The following KATNIP variants were observed in gnomAD, a reference collection of about 807,000 sequenced individuals.
KATNIP encodes katanin interacting protein, also known as katanin-interacting protein.
A neutral mutation model predicts 174.0 loss-of-function variants in KATNIP; 126 were observed. The observed-to-expected ratio is 0.72, with a 90% CI of 0.63 to 0.84. The LOEUF (loss-of-function observed/expected upper bound fraction) is 0.84. Ranked by LOEUF, KATNIP falls within the 40% of genes least tolerant of loss-of-function variation. The pLI, the probability that KATNIP is intolerant of heterozygous loss-of-function variation, is 0.00. For missense variants in KATNIP, 1,958 were observed against 2,109.7 expected (o/e 0.93, Z 1.41); for synonymous variants, 810 against 835.7 (o/e 0.97, Z 0.53).
intron 8 of KATNIP, among the ~76,000 whole-genome samples, chr16:27,693,535 C>T (rs948646242): frequency 6.6e-6 from 1 of 151,976 alleles, no homozygotes; most frequent in African/African-American, 2.4e-5. Context: ...ATTACAGGCG[C>T]CCGCCACCAT....
At chr16:27,591,933 T>G (rs1297830107) in intron 2 of KATNIP, among the ~76,000 whole-genome samples, 2 of 152,190 alleles carry the variant, frequency 1.3e-5, no homozygotes. Context: ...CTACTCTTGC[T>G]CTATCCGTAA....
At chr16:27,716,783 C>T (rs1346788037) in intron 13 of KATNIP, among the ~76,000 whole-genome samples, 1 of 152,150 alleles carries the variant, frequency 6.6e-6, no homozygotes, top group Non-Finnish European at 1.5e-5. Context: ...AACCACTGAT[C>T]TGTTCCTCTA....
chr16:27,685,494 C>T (rs1186810719), intron 8 of KATNIP: 2 of 152,084 alleles, frequency 1.3e-5, no homozygotes, highest in Non-Finnish European at 2.9e-5. Context: ...CTAAAGTAGT[C>T]ACAGCTGTAA....
chr16:27,738,326 A>T (rs1178705231), intron 14 of KATNIP, among the ~76,000 whole-genome samples: 1 of 152,162 alleles, frequency 6.6e-6, no homozygotes, highest in African/African-American at 2.4e-5. Context: ...CCTTAGGGTG[A>T]TAGGTACGTT....
chr16:27,681,282 G>A, intron 7 of KATNIP, 117 bp from the exon 8 acceptor site: 3 of 1,332,252 alleles, frequency 2.3e-6, no homozygotes, highest in Non-Finnish European at 3.2e-6. Flanking sequence ...ACTGCACAAA[G>A]TAGTTCCGTA....
chr16:27,553,497 A>C (rs1010709828), intron 1 of KATNIP, among the ~76,000 whole-genome samples: 4 of 152,212 alleles, frequency 2.6e-5, no homozygotes, highest in African/African-American at 9.7e-5. Flanking sequence ...CATTTAAAAC[A>C]AACAAACAAT....
chr16:27,571,841 C>T lies in KATNIP; in HGVS notation c.8-2060C>T, dbSNP rs529325442. ...TCCCTGGCCAGCCTTAGGGCTCACTCGGAATCCTTAGACTGACAGCCAGAG... is the reference window on the plus strand; with the variant it reads ...TCCCTGGCCAGCCTTAGGGCTCACTTGGAATCCTTAGACTGACAGCCAGAG... On this transcript the variant is annotated intron_variant, in intron 1 of 27. Transcript: ENST00000261588. Among the ~76,000 whole-genome samples, 3 of 152,356 alleles carry T rather than the reference C, an allele frequency of 2.0e-5. No homozygotes were observed. The East Asian group carries it at 5.8e-4, about 29-fold the overall frequency.
chr16:27,649,468 G>A (rs1206282541), intron 6 of KATNIP, among the ~76,000 whole-genome samples: 8 of 152,238 alleles, frequency 5.3e-5, no homozygotes. Context: ...GAACAAAACT[G>A]AAGAGGTGCC....
intron 1 of KATNIP, among the ~76,000 whole-genome samples, chr16:27,551,089 A>G (rs1442325934): frequency 1.3e-5 from 2 of 152,200 alleles, no homozygotes; most frequent in African/African-American, 2.4e-5. Context: ...GTGGGCCCCC[A>G]TTTAGGGATC....
At chr16:27,579,086 A>G (rs979429014) in intron 2 of KATNIP, among the ~76,000 whole-genome samples, 14 of 152,254 alleles carry the variant, frequency 9.2e-5, no homozygotes, top group Admixed American at 3.9e-4. Flanking sequence ...CTCAAAAATC[A>G]TTAGGAAGTA....
intron 13 of KATNIP, among the ~76,000 whole-genome samples, chr16:27,716,023 A>G (rs2079921044): frequency 6.6e-6 from 1 of 152,222 alleles, no homozygotes. Context: ...AGCATTATTC[A>G]GAATAGCCAA....
chr16:27,749,535 C>G, intron 15 of KATNIP, 49 bp from the exon 16 acceptor site: 1 of 1,510,994 alleles, frequency 6.6e-7, no homozygotes, highest in South Asian at 1.4e-5. Context: ...TCCCCACTTC[C>G]ACACATGCCA....
chr16:27,572,885 G>A (rs1189336583), intron 1 of KATNIP, among the ~76,000 whole-genome samples: 2 of 152,176 alleles, frequency 1.3e-5, no homozygotes, highest in Non-Finnish European at 2.9e-5. Flanking sequence ...CGTGGCCAGC[G>A]GTTCTTCCTA....
intron 7 of KATNIP, among the ~76,000 whole-genome samples, chr16:27,678,740 C>G (rs1240701248): frequency 6.6e-6 from 1 of 152,118 alleles, no homozygotes; most frequent in Admixed American, 6.5e-5. Flanking sequence ...TTATCACCAC[C>G]CAGCCACACG....
chr16:27,632,587 G>A (rs1469800592), intron 5 of KATNIP: 1 of 456,406 alleles, frequency 2.2e-6, no homozygotes, highest in Non-Finnish European at 4.4e-6. Flanking sequence ...CTATAGAGGG[G>A]TCAGAACCAC....
intron 3 of KATNIP, among the ~76,000 whole-genome samples, chr16:27,622,170 C>A (rs538588523): frequency 1.3e-4 from 20 of 152,224 alleles, no homozygotes; most frequent in African/African-American, 4.6e-4. Flanking sequence ...GGGGAGATTC[C>A]TGGCCAGGCA....
chr16:27,778,555 C>G lies in KATNIP; in HGVS notation c.4802-19C>G. Reference sequence around the variant, plus strand: ...TTGAGACTTAGTAACTCTGGTCCCTCTGTTCCCTGTCATGACAGCCTTACG... The same window carrying G: ...TTGAGACTTAGTAACTCTGGTCCCTGTGTTCCCTGTCATGACAGCCTTACG... On this transcript the variant is annotated intron_variant, in intron 27 of 27. Transcript: ENST00000261588. The G allele has an allele frequency of 6.2e-7, 1 of 1,613,184 alleles. No individual in the cohort carries two copies. The highest frequency in any genetic ancestry group is 8.5e-7 in the Non-Finnish European group (1 of 1,179,408).
chr16:27,662,615 A>G (rs2077562365), intron 6 of KATNIP, among the ~76,000 whole-genome samples: 1 of 152,180 alleles, frequency 6.6e-6, no homozygotes, highest in African/African-American at 2.4e-5. Context: ...CAGAAGTAAG[A>G]GATGTAGTGA....
intron 16 of KATNIP, among the ~76,000 whole-genome samples, chr16:27,750,908 TG>T (rs2143808809): frequency 6.6e-6 from 1 of 151,420 alleles, no homozygotes; most frequent in South Asian, 2.1e-4. Flanking sequence ...TTGTATTTTT[TG>T]TAGAGACGAG....
Sources: gnomAD v4.1 joint callset for allele counts (sites outside exome capture counted in the v4.1 genomes callset) on GRCh38, gnomAD v4.1.1 for gene constraint, MANE v1.5 for transcripts, NCBI Gene and HGNC (gene_info 2026-07-23, HGNC 2026-07-21) for gene names.